KIF16B: variants seen among roughly 807,000 people sequenced by gnomAD.
KIF16B encodes the protein kinesin-like protein KIF16B.
Under a neutral mutation model 156.3 loss-of-function variants are expected in KIF16B, and 98 were observed. The observed-to-expected ratio is 0.63, with a 90% CI of 0.53 to 0.74. The LOEUF (loss-of-function observed/expected upper bound fraction) is 0.74. Ranked by LOEUF, KIF16B falls within the 30% of genes least tolerant of loss-of-function variation. The pLI, the probability that KIF16B is intolerant of heterozygous loss-of-function variation, is 0.00. For missense variants in KIF16B, 1,421 were observed against 1,606.5 expected, an observed-to-expected ratio of 0.88 and a Z score of 1.97; for synonymous variants, 564 against 583.7, an observed-to-expected ratio of 0.97 and a Z score of 0.49.
intron 25 of KIF16B, among the ~76,000 whole-genome samples, chr20:16,289,341 C>T (rs1013812227): frequency 5.3e-5 from 8 of 152,028 alleles, no homozygotes; most frequent in African/African-American, 1.9e-4. Context: ...TAACTTTGTC[C>T]TCAGGGAATT....
In KIF16B at chr20:16,280,867, T is replaced by TGTGTGTGTGTGTGTGTGC. The variant is rs758721339; in HGVS notation, c.3796-7457_3796-7456insGCACACACACACACACAC. 8.2e-3 allele frequency among the ~76,000 whole-genome samples: 1,234 copies of TGTGTGTGTGTGTGTGTGC among 150,868 alleles called. 10 individuals are homozygous for TGTGTGTGTGTGTGTGTGC. The highest frequency in any genetic ancestry group is 0.023 in the African/African-American group (939 of 40,936). Reference sequence around the variant, plus strand: ...GTGTGTGTGTGTGTGTGTGTGTGTGTGCGCAGAAAATGCAAGCATGAGAAT... The same window carrying TGTGTGTGTGTGTGTGTGC: ...GTGTGTGTGTGTGTGTGTGTGTGTGTGTGTGTGTGTGTGTGTGCGCGCAGAAAATGCAAGCATGAGAAT... On this transcript the variant is annotated intron_variant, in intron 25 of 25. Transcript: ENST00000354981.
chr20:16,508,382 C>T lies in KIF16B; in HGVS notation c.557-282G>A, dbSNP rs2068852479. On this transcript the variant is annotated intron_variant, in intron 6 of 25. Transcript: ENST00000354981. ...ACCTCACGTGATCATGTGTACCTAC[C>T]ACATAGGGCCACGGTCCCCAACTTT... Among the ~76,000 whole-genome samples the T allele has an allele frequency of 4.6e-5, 7 of 152,160 alleles. 1 individual carries two copies.
chr20:16,342,005 A>T (rs545022065), intron 23 of KIF16B, among the ~76,000 whole-genome samples: 33 of 152,122 alleles, frequency 2.2e-4, no homozygotes, highest in African/African-American at 7.5e-4. Context: ...CCTCAACCAC[A>T]CACCCCTTTC....
chr20:16,510,498 A>T (rs1172382695), intron 6 of KIF16B, among the ~76,000 whole-genome samples: 3 of 152,120 alleles, frequency 2.0e-5, no homozygotes, highest in Admixed American at 6.6e-5. Flanking sequence ...AAAAATATAA[A>T]AATTAGCCAG....
At position 16,428,329 on chromosome 20, in the gene KIF16B, C is replaced by A. The variant is rs78351085; in HGVS notation, c.1474+624G>T. Among the ~76,000 whole-genome samples the A allele has an allele frequency of 8.5e-3, 1,297 of 152,220 alleles. 6 individuals carry two copies. Among genetic ancestry groups the A allele is most frequent in the Middle Eastern group, 0.017 (5 of 294 alleles). On this transcript the variant is annotated intron_variant, in intron 14 of 25. Coordinates refer to ENST00000354981, the MANE Select transcript of KIF16B (RefSeq NM_024704.5). Reference sequence around the variant, plus strand: ...TAAAAGCAGCTGAGACAATATAATTCTTCCCCTGCCAATCCCTATCTTGCC... The same window carrying A: ...TAAAAGCAGCTGAGACAATATAATTATTCCCCTGCCAATCCCTATCTTGCC...
At chr20:16,524,336 CA>C (rs1403849758) in intron 3 of KIF16B, among the ~76,000 whole-genome samples, 7 of 151,956 alleles carry the variant, frequency 4.6e-5, no homozygotes, top group Non-Finnish European at 2.9e-5. Flanking sequence ...AAGAAAAAAA[CA>C]AACAACCCCA....
intron 12 of KIF16B, among the ~76,000 whole-genome samples, chr20:16,458,528 A>AT (rs36071072): frequency 2.6e-5 from 4 of 152,044 alleles, no homozygotes; most frequent in African/African-American, 9.6e-5. Context: ...TATAAGCTGC[A>AT]TTTTTTTTCG....
At chr20:16,519,066 G>C (rs769793687) in intron 3 of KIF16B, among the ~76,000 whole-genome samples, 6 of 152,170 alleles carry the variant, frequency 3.9e-5, no homozygotes, top group Admixed American at 6.5e-5. Flanking sequence ...TAAGCTTACT[G>C]AATCTCTTCA....
Position 16,505,731 on chromosome 20 carries a change from T to C in KIF16B, c.991A>G (p.Met331Val). The change falls in exon 9 of 26, where the codon ATG (methionine) becomes GTG (valine). Residue 331 changes from methionine (M) to valine (V), a missense_variant. Transcript: ENST00000354981. ...DSLGGNSKTI[M>V]IATISPADVN... ...AACTTAAAACTCTTACTGGCAATCATGATAGTTTTAGAGTTTCCTCCAAGG... is the reference window on the plus strand; with the variant it reads ...AACTTAAAACTCTTACTGGCAATCACGATAGTTTTAGAGTTTCCTCCAAGG... 6.2e-7 allele frequency: 1 copy of C among 1,613,046 alleles called. No homozygotes were observed.
At chr20:16,288,817 A>T (rs2063268664) in intron 25 of KIF16B, among the ~76,000 whole-genome samples, 1 of 152,058 alleles carries the variant, frequency 6.6e-6, no homozygotes, top group Non-Finnish European at 1.5e-5. Context: ...TGTACTGGTG[A>T]TAAGGTTATT....
chr20:16,528,767 C>T (rs937394385), intron 1 of KIF16B, among the ~76,000 whole-genome samples: 8 of 152,048 alleles, frequency 5.3e-5, no homozygotes, highest in Non-Finnish European at 7.4e-5. Context: ...TAGCCCCCCT[C>T]ACCTTGTTAC....
intron 12 of KIF16B, among the ~76,000 whole-genome samples, chr20:16,460,035 C>G (rs1034875273): frequency 6.6e-6 from 1 of 152,238 alleles, no homozygotes; most frequent in South Asian, 2.1e-4. Flanking sequence ...AAGGTAGTAT[C>G]TTTTTTCAAC....
At chr20:16,518,705 T>A (rs1360102264) in intron 3 of KIF16B, among the ~76,000 whole-genome samples, 1 of 152,206 alleles carries the variant, frequency 6.6e-6, no homozygotes, top group African/African-American at 2.4e-5. Context: ...TTTCTAATTC[T>A]AAAATTAATT....
At position 16,352,816 on chromosome 20, in the gene KIF16B, C is replaced by T. The variant is rs963102306; in HGVS notation, c.3621+3514G>A. Among the ~76,000 whole-genome samples the T allele has an allele frequency of 3.3e-5, 5 of 152,298 alleles. No homozygotes were observed. In the East Asian group the frequency reaches 5.8e-4, roughly 18 times the overall value. ...GGCGTGTTGTCTCCCTCCTGGGGCC[C>T]CTCAGGCCTCAACACCAAGTGGGCC... On this transcript the variant is annotated intron_variant, in intron 23 of 25. Transcript: ENST00000354981.
rs140491944 is a variant in KIF16B, at chr20:16,356,401, T to A, written c.3550A>T (p.Ile1184Phe). 1.4e-5 allele frequency: 23 copies of A among 1,614,068 alleles called. No homozygotes were observed. The highest frequency in any genetic ancestry group is 1.8e-5 in the Non-Finnish European group (21 of 1,180,018). Residue 1184 changes from isoleucine to phenylalanine, a missense_variant, in exon 23 of 26, where the codon ATT (isoleucine) becomes TTT (phenylalanine). Coordinates refer to ENST00000354981, the MANE Select transcript of KIF16B (RefSeq NM_024704.5). The part of the protein sequence containing the change: ...GANPDDLKDP[I>F]KISIPRYVLC... ...ACGTAGCGTGGGATACTAATTTTAA[T>A]TGGGTCCTTCAGGTCATCTGGATTT...
At chr20:16,342,988 T>C (rs1272087038) in intron 23 of KIF16B, among the ~76,000 whole-genome samples, 6 of 152,224 alleles carry the variant, frequency 3.9e-5, no homozygotes, top group Admixed American at 1.3e-4. Flanking sequence ...AGCCCTTTTC[T>C]GTCCCAAATT....
chr20:16,514,593 A>AC (rs1475586241), intron 4 of KIF16B, among the ~76,000 whole-genome samples: 2 of 149,852 alleles, frequency 1.3e-5, no homozygotes, highest in African/African-American at 4.9e-5. Flanking sequence ...AAAAAAAAAA[A>AC]AAAAAAAAAA....
chr20:16,398,827 G>C (rs1446086096), intron 17 of KIF16B, among the ~76,000 whole-genome samples: 6 of 152,292 alleles, frequency 3.9e-5, no homozygotes, highest in Admixed American at 6.5e-5. Context: ...GCTTCACAGG[G>C]ACCTGGGCAA....
At chr20:16,571,583 G>A (rs970207964) in intron 1 of KIF16B, among the ~76,000 whole-genome samples, 1 of 151,622 alleles carries the variant, frequency 6.6e-6, no homozygotes, top group African/African-American at 2.4e-5. Context: ...TTGTATCCCA[G>A]ACAGCACCCT....
Sources: allele counts gnomAD v4.1 joint callset (sites outside exome capture counted in the v4.1 genomes callset), GRCh38; gene constraint gnomAD v4.1.1; transcripts MANE v1.5; gene names NCBI Gene and HGNC (gene_info 2026-07-23, HGNC 2026-07-21).